TTC28: variants seen among roughly 807,000 people sequenced by gnomAD.
TTC28 encodes the protein tetratricopeptide repeat protein 28.
A neutral mutation model predicts 198.0 loss-of-function variants in TTC28; 61 were observed. The ratio of observed to expected loss-of-function variants is 0.31; its 90% CI spans 0.25 to 0.38. TTC28 has a LOEUF of 0.38. TTC28 is among the 10% of genes least tolerant of loss of function. The probability of loss-of-function intolerance (pLI) is 1.00; values close to 1 mark genes in which losing one functional copy is unlikely to be tolerated. For synonymous variants in TTC28, 1,171 were observed against 1,297.8 expected (o/e 0.90, Z 2.10); for missense variants, 2,678 against 3,164.0 (o/e 0.85, Z 3.69).
intron 5 of TTC28, among the ~76,000 whole-genome samples, chr22:28,189,009 CA>C (rs918935820): frequency 4.0e-5 from 6 of 151,884 alleles, no homozygotes; most frequent in African/African-American, 9.7e-5. Context: ...AAAAGGAACT[CA>C]GGGGGAAAAG....
chr22:28,611,042 G>A (rs531406305), intron 2 of TTC28, among the ~76,000 whole-genome samples: 45 of 152,066 alleles, frequency 3.0e-4, no homozygotes, highest in African/African-American at 8.9e-4. Context: ...GAAAAGGAAC[G>A]AACAAAGCCT....
At chr22:28,643,506 G>A (rs950635504) in intron 1 of TTC28, among the ~76,000 whole-genome samples, 2 of 152,260 alleles carry the variant, frequency 1.3e-5, no homozygotes, top group South Asian at 4.2e-4. Flanking sequence ...CTTCTCAAAC[G>A]TTTCCTTAAA....
chr22:28,653,048 A>G (rs1418678419), intron 1 of TTC28, among the ~76,000 whole-genome samples: 1 of 152,200 alleles, frequency 6.6e-6, no homozygotes, highest in Non-Finnish European at 1.5e-5. Flanking sequence ...GGAACCCCAA[A>G]GTTGGTATGA....
intron 22 of TTC28, 108 bp downstream of exon 22, chr22:27,985,141 A>G: frequency 3.8e-6 from 3 of 785,882 alleles, no homozygotes; most frequent in Non-Finnish European, 6.1e-6. Context: ...TACACAAAAA[A>G]TGTTGATTCA....
At chr22:28,028,216 C>T (rs1938913937) in intron 13 of TTC28, among the ~76,000 whole-genome samples, 4 of 152,204 alleles carry the variant, frequency 2.6e-5, no homozygotes, top group Admixed American at 2.6e-4. Flanking sequence ...CAGGCCTTGC[C>T]AAGGGAGCTG....
At position 28,411,422 on chromosome 22, in the gene TTC28, G is replaced by A. The variant is rs1385471260; in HGVS notation, c.382-104779C>T. Among the ~76,000 whole-genome samples the A allele has an allele frequency of 2.0e-5, 3 of 152,182 alleles. No homozygotes were observed. The East Asian group carries it at 5.8e-4, about 29-fold the overall frequency. Reference sequence around the variant, plus strand: ...TATTCCAAGAGTCCATTCTTAATATGTAGTCTTGGAAAAGAATTCTGATTC... The same window carrying A: ...TATTCCAAGAGTCCATTCTTAATATATAGTCTTGGAAAAGAATTCTGATTC... On this transcript the variant is annotated intron_variant, in intron 2 of 22. Coordinates refer to ENST00000397906, the MANE Select transcript of TTC28 (RefSeq NM_001145418.2).
chr22:28,062,614 G>A (rs1048138410), intron 12 of TTC28, among the ~76,000 whole-genome samples: 5 of 151,794 alleles, frequency 3.3e-5, no homozygotes, highest in East Asian at 1.9e-4. Flanking sequence ...GAATGCAGAC[G>A]CAAGCCACTG....
rs574521530 is a variant in TTC28 at position 28,338,714 on chromosome 22, A to G, written c.382-32071T>C. 6.8e-4 allele frequency among the ~76,000 whole-genome samples: 103 copies of G among 151,868 alleles called. No individual in the cohort carries two copies. The South Asian group carries it at 0.01, about 15-fold the overall frequency. ...TCAGGTCCTTTAAGGACTTCTCTGCATTGGTTATTCTAGTTAGCCATTTGT... is the reference window on the plus strand; with the variant it reads ...TCAGGTCCTTTAAGGACTTCTCTGCGTTGGTTATTCTAGTTAGCCATTTGT... On this transcript the variant is annotated intron_variant, in intron 2 of 22. Coordinates refer to ENST00000397906, the MANE Select transcript of TTC28 (RefSeq NM_001145418.2).
At chr22:28,254,293 C>A (rs926866114) in intron 5 of TTC28, among the ~76,000 whole-genome samples, 1 of 151,868 alleles carries the variant, frequency 6.6e-6, no homozygotes, top group African/African-American at 2.4e-5. Flanking sequence ...TATATGGGAT[C>A]ATACAAAGAG....
intron 6 of TTC28, among the ~76,000 whole-genome samples, chr22:28,153,749 C>A (rs1345915585): frequency 5.9e-5 from 9 of 152,082 alleles, no homozygotes; most frequent in Non-Finnish European, 1.3e-4. Context: ...TCTTGTTTCC[C>A]TTTTCTTTCC....
At chr22:28,141,517 C>T (rs35417721) in intron 6 of TTC28, among the ~76,000 whole-genome samples, 3,732 of 152,198 alleles carry the variant, frequency 0.025, 73 homozygotes, top group Non-Finnish European at 0.038. Context: ...CATATATACA[C>T]TGCATTATGT....
At chr22:28,325,045 G>A (rs2045505527) in intron 2 of TTC28, among the ~76,000 whole-genome samples, 1 of 137,080 alleles carries the variant, frequency 7.3e-6, no homozygotes, top group African/African-American at 2.7e-5. Context: ...CGTTTCACAA[G>A]GAATGGTACC....
chr22:28,179,658 C>T (rs1923520637), intron 5 of TTC28, among the ~76,000 whole-genome samples: 1 of 152,178 alleles, frequency 6.6e-6, no homozygotes, highest in South Asian at 2.1e-4. Flanking sequence ...ACTGTTCCAA[C>T]AGAGTTGGTC....
At chr22:28,317,742 T>C (rs1349200839) in intron 2 of TTC28, among the ~76,000 whole-genome samples, 1 of 152,216 alleles carries the variant, frequency 6.6e-6, no homozygotes, top group Non-Finnish European at 1.5e-5. Flanking sequence ...TTTCCCTGTG[T>C]TGCCATACAT....
intron 2 of TTC28, among the ~76,000 whole-genome samples, chr22:28,568,939 G>C (rs1032915233): frequency 1.3e-5 from 2 of 152,018 alleles, no homozygotes; most frequent in Admixed American, 6.6e-5. Flanking sequence ...CTGAGGTCAG[G>C]AGTTCGACAC....
intron 2 of TTC28, among the ~76,000 whole-genome samples, chr22:28,570,590 A>G (rs910553818): frequency 7.9e-5 from 12 of 152,164 alleles, no homozygotes; most frequent in African/African-American, 2.9e-4. Context: ...AAAACTACCT[A>G]TTGGGTGCTA....
chr22:28,111,343 G>T (rs1297989918), intron 6 of TTC28, among the ~76,000 whole-genome samples: 1 of 152,102 alleles, frequency 6.6e-6, no homozygotes, highest in Non-Finnish European at 1.5e-5. Flanking sequence ...CTCAAGGTGA[G>T]AAAATCTAAG....
At chr22:28,431,153 C>G (rs1184023235) in intron 2 of TTC28, among the ~76,000 whole-genome samples, 3 of 152,148 alleles carry the variant, frequency 2.0e-5, no homozygotes, top group Non-Finnish European at 4.4e-5. Context: ...ACATATGCCA[C>G]CTCATATTTC....
chr22:28,625,109 A>AG (rs1369581181), intron 2 of TTC28, among the ~76,000 whole-genome samples: 1 of 152,230 alleles, frequency 6.6e-6, no homozygotes, highest in Non-Finnish European at 1.5e-5. Context: ...CAACAATGTG[A>AG]AGCTCAATGC....
Sources: allele counts gnomAD v4.1 joint callset (sites outside exome capture counted in the v4.1 genomes callset), GRCh38; gene constraint gnomAD v4.1.1; transcripts MANE v1.5; gene names NCBI Gene and HGNC (gene_info 2026-07-23, HGNC 2026-07-21).